FAM83E: variants seen among roughly 807,000 people sequenced by gnomAD.
FAM83E encodes protein FAM83E.
A neutral mutation model predicts 34.3 loss-of-function variants in FAM83E; 29 were observed. The observed-to-expected ratio is 0.85, with a 90% CI of 0.63 to 1.15. The LOEUF is 1.15. FAM83E is among the 50% of genes most tolerant of loss of function. The pLI is 0.00. For missense variants in FAM83E, 697 were observed against 685.0 expected (o/e 1.02, Z -0.20); for synonymous variants, 312 against 311.6 (o/e 1.00, Z -0.01).
chr19:48,612,936 A>G lies in FAM83E; in HGVS notation c.437T>C (p.Val146Ala). The G allele has an allele frequency of 6.3e-7, 1 of 1,576,296 alleles. No individual in the cohort carries two copies. The highest frequency in any genetic ancestry group is 8.6e-7 in the Non-Finnish European group (1 of 1,160,468). Residue 146 changes from valine to alanine, a missense_variant, in exon 3 of 7, where the codon GTG becomes GCG. Val to Ala is a moderately conservative substitution (Grantham distance 64). Transcript: ENST00000263266. ...GTGGGCAGCCTGGATCTCCAGCCGC[A>G]CCAGCTCCTTGAGGGGCGGCTGACC... ...GEGQPPLKEL[V>A]RLEIQAAHKL... is the part of the protein sequence containing the mutation.
At position 48,601,470 on chromosome 19, in the gene FAM83E, G is replaced by A. The variant is rs553215064; in HGVS notation, c.1177-101C>T. The stretch of plus-strand genomic sequence containing the variant: ...GGAGGTGAGGCAAGAGAGAAGCAGC[G>A]AAAGTGACAGACGGCCAGGCACGGT... On this transcript the variant is annotated intron_variant, in intron 6 of 6. Transcript: ENST00000263266. 90 of 1,488,186 alleles carry A rather than the reference G, an allele frequency of 6.0e-5. No individual in the cohort carries two copies. In the African/African-American group the frequency reaches 7.6e-4, roughly 13 times the overall value. The allele number at this position is 1,488,186 out of a possible 1,614,324, so 92.2% of individuals were successfully genotyped here. A position where few individuals can be genotyped will look rare whatever the true frequency, so the allele number is the denominator to read the frequency against.
chr19:48,610,617 T>C, intron 4 of FAM83E, 63 bp downstream of exon 4: 1 of 1,504,190 alleles, frequency 6.6e-7, no homozygotes, highest in Non-Finnish European at 8.9e-7. Context: ...TGGAAGGGTC[T>C]GCCCCCACTG....
chr19:48,609,826 A>C (rs1257889780), intron 5 of FAM83E, 50 bp downstream of exon 5: 2 of 1,592,030 alleles, frequency 1.3e-6, no homozygotes, highest in South Asian at 1.1e-5. Flanking sequence ...ACACTGAGGG[A>C]AAGTGGGGTA....
chr19:48,614,580 C>T lies in FAM83E; in HGVS notation c.-1208G>A. 1.0e-6 allele frequency: 1 copy of T among 986,194 alleles called. No homozygotes were observed. Among genetic ancestry groups the T allele is most frequent in the Non-Finnish European group, 1.2e-6 (1 of 830,540 alleles). The allele number at this position is 986,194 out of a possible 1,614,324, so 61.1% of individuals were successfully genotyped here. ...CCTGCAAACCAGAAGCCCTTCATTC[C>T]AATCCCACCAACCCAGGCCGCTGCT... is the stretch of plus-strand genomic sequence containing the variant. On this transcript the variant is annotated 5_prime_UTR_variant, in exon 3 of 7. Transcript: ENST00000263266.
chr19:48,600,830 A>C lies in FAM83E; in HGVS notation c.*279T>G. 1 of 380,396 alleles carries C rather than the reference A, an allele frequency of 2.6e-6. No homozygotes were observed. The highest frequency in any genetic ancestry group is 4.3e-6 in the Non-Finnish European group (1 of 232,918). 23.6% of individuals were successfully genotyped at this position (380,396 alleles called of 1,614,324 possible). A position where few individuals can be genotyped will look rare whatever the true frequency, so the allele number is the denominator to read the frequency against. On this transcript the variant is annotated 3_prime_UTR_variant, in exon 7 of 7. Transcript: ENST00000263266. ...CCACACCCAACTAATTTGTTTTTTT[A>C]ATTGTAGAGATGGGGTCTCACTATG...
chr19:48,602,704 A>AAAATATATATAT (rs1973844092), intron 6 of FAM83E, among the ~76,000 whole-genome samples: 1 of 27,496 alleles, frequency 3.6e-5, no homozygotes, highest in African/African-American at 2.0e-4. Flanking sequence ...AAAAAAAAAA[A>AAAATATATATAT]ATATATATAT....
chr19:48,601,001 A>C lies in FAM83E; in HGVS notation c.*108T>G. ...CATCCCTTCTGCTTGACAGACGCCG[A>C]GGCCAGAAGCCTTGTCCAAGGCAGG... is the stretch of plus-strand genomic sequence containing the variant. On this transcript the variant is annotated 3_prime_UTR_variant, in exon 7 of 7. Coordinates refer to ENST00000263266, the MANE Select transcript of FAM83E (RefSeq NM_017708.4). The C allele has an allele frequency of 4.7e-6, 7 of 1,481,594 alleles. No homozygotes were observed. Among genetic ancestry groups the C allele is most frequent in the Non-Finnish European group, 6.2e-6 (7 of 1,122,830 alleles). The allele number at this position is 1,481,594 out of a possible 1,614,324, so 91.8% of individuals were successfully genotyped here.
intron 5 of FAM83E, chr19:48,607,522 C>A: frequency 1.1e-6 from 1 of 918,008 alleles, no homozygotes; most frequent in Non-Finnish European, 1.6e-6. Flanking sequence ...GGGAAGCATC[C>A]CCAGGCCTGA....
At chr19:48,603,467 C>T (rs2147639564) in intron 6 of FAM83E, 27 bp downstream of exon 6, 1 of 1,527,788 alleles carries the variant, frequency 6.5e-7, no homozygotes, top group Non-Finnish European at 8.7e-7. Flanking sequence ...TGGGCTCCAT[C>T]TTCTGGCACC....
chr19:48,610,077 T>C (rs1055905479), intron 4 of FAM83E, 77 bp from the exon 5 acceptor site: 2 of 1,545,076 alleles, frequency 1.3e-6, no homozygotes, highest in Non-Finnish European at 1.7e-6. Context: ...AGACTGGTTC[T>C]AACTGGGGGA....
Position 48,600,127 on chromosome 19 carries a change from C to G in FAM83E, c.*982G>C, listed in dbSNP as rs1487948409. Among the ~76,000 whole-genome samples, 1 of 152,218 alleles carries G rather than the reference C, an allele frequency of 6.6e-6. No individual in the cohort carries two copies. Among genetic ancestry groups the G allele is most frequent in the Non-Finnish European group, 1.5e-5 (1 of 68,040 alleles). ...TCCTTGCCTCAGTTTCCCCACAGCT[C>G]CTGAACACAGTGTGCCTGGCAGCGA... On this transcript the variant is annotated 3_prime_UTR_variant, in exon 7 of 7. Coordinates refer to ENST00000263266, the MANE Select transcript of FAM83E (RefSeq NM_017708.4).
At position 48,600,285 on chromosome 19, in the gene FAM83E, C is replaced by T. The variant is rs1973789410; in HGVS notation, c.*824G>A. On this transcript the variant is annotated 3_prime_UTR_variant, in exon 7 of 7. Transcript: ENST00000263266. ...TCCGCTGCCTGGGGACGCTGCCAGC[C>T]CATCTTCTGGGTTGTGACACTGAGG... Among the ~76,000 whole-genome samples the T allele has an allele frequency of 1.3e-5, 2 of 152,228 alleles. No homozygotes were observed. Among genetic ancestry groups the T allele is most frequent in the South Asian group, 4.1e-4 (2 of 4,834 alleles).
chr19:48,610,905 C>A, intron 3 of FAM83E, 58 bp from the exon 4 acceptor site: 1 of 1,523,028 alleles, frequency 6.6e-7, no homozygotes, highest in Non-Finnish European at 8.9e-7. Flanking sequence ...AGGGGACACT[C>A]AGAGGGTGTG....
chr19:48,600,741 T>A lies in FAM83E; in HGVS notation c.*368A>T. 1 of 169,712 alleles carries A rather than the reference T, an allele frequency of 5.9e-6. No homozygotes were observed. The highest frequency in any genetic ancestry group is 1.2e-5 in the Non-Finnish European group (1 of 80,340). 10.5% of individuals were successfully genotyped at this position (169,712 alleles called of 1,614,324 possible). A position where few individuals can be genotyped will look rare whatever the true frequency, so the allele number is the denominator to read the frequency against. ...ATCTTGGCTCACTGCTGCCTCCACC[T>A]CCTGAGCTCAAGGGATCCTCCCACC... On this transcript the variant is annotated 3_prime_UTR_variant, in exon 7 of 7. Transcript: ENST00000263266.
Position 48,611,170 on chromosome 19 carries a change from G to T in FAM83E, c.466-323C>A, listed in dbSNP as rs377689379. Among the ~76,000 whole-genome samples the T allele has an allele frequency of 1.4e-3, 179 of 125,732 alleles. 1 individual carries two copies. Among genetic ancestry groups the T allele is most frequent in the African/African-American group, 4.2e-3 (149 of 35,290 alleles). 82.5% of individuals were successfully genotyped at this position (125,732 alleles called of 152,430 possible). ...GTTTTTGTTGTTGTTGTTGTTTTTT[G>T]TTGTTTTTTTTTTTTTGAGACGGAG... On this transcript the variant is annotated intron_variant, in intron 3 of 6. Transcript: ENST00000263266.
chr19:48,602,702 AAAATATATATATAT>A (rs1380347556), intron 6 of FAM83E, among the ~76,000 whole-genome samples: 4 of 42,880 alleles, frequency 9.3e-5, no homozygotes, highest in Non-Finnish European at 1.6e-4. Context: ...AAAAAAAAAA[AAAATATATATATAT>A]ATATATATAT....
Position 48,609,340 on chromosome 19 carries a change from C to T in FAM83E, c.758+536G>A, listed in dbSNP as rs527636997. 4.5e-4 allele frequency among the ~76,000 whole-genome samples: 64 copies of T among 143,114 alleles called. No homozygotes were observed. In the South Asian group the frequency reaches 0.012, roughly 27 times the overall value. The allele number at this position is 143,114 out of a possible 152,430, so 93.9% of individuals were successfully genotyped here. ...TCTCCCAGGCTGGAGTGCGACAGCG[C>T]GATCTCGGCTCACTGCAACCTCTCT... On this transcript the variant is annotated intron_variant, in intron 5 of 6. Transcript: ENST00000263266.
Position 48,601,260 on chromosome 19 carries a change from C to A in FAM83E, c.1286G>T (p.Gly429Val). ...GEVDSRPPWGGALPLPPAHRL... is the reference protein window; with the variant it reads ...GEVDSRPPWGVALPLPPAHRL... ...GTGGGCGGGGGGCAGGGGCAGGGCA[C>A]CGCCCCACGGAGGTCGGGAGTCCAC... The change falls in exon 7 of 7, where the codon GGT becomes GTT. Residue 429 changes from glycine to valine, a missense_variant. Physicochemically the swap from Gly to Val is moderately radical, Grantham distance 109. Transcript: ENST00000263266. 2 of 1,599,086 alleles carry A rather than the reference C, an allele frequency of 1.3e-6. No homozygotes were observed. The highest frequency in any genetic ancestry group is 2.3e-5 in the East Asian group (1 of 44,160).
At chr19:48,612,443 C>G (rs1429232932) in intron 3 of FAM83E, among the ~76,000 whole-genome samples, 2 of 150,350 alleles carry the variant, frequency 1.3e-5, no homozygotes, top group African/African-American at 4.9e-5. Flanking sequence ...CTCGCTCTGT[C>G]GCCCAGGCTG....
Sources: allele counts gnomAD v4.1 joint callset (sites outside exome capture counted in the v4.1 genomes callset), GRCh38; gene constraint gnomAD v4.1.1; transcripts MANE v1.5; gene names NCBI Gene and HGNC (gene_info 2026-07-23, HGNC 2026-07-21).